STRIP2: variants seen among roughly 807,000 people sequenced by gnomAD.
STRIP2 encodes the protein striatin-interacting protein 2.
In STRIP2, 84 loss-of-function variants were observed where a neutral mutation model predicts 107.1. That is an observed-to-expected ratio of 0.78 (90% CI 0.66 to 0.94). The LOEUF is 0.94. STRIP2 is among the 40% of genes least tolerant of loss of function. The pLI is 0.00. For synonymous variants in STRIP2, 394 were observed against 400.4 expected (o/e 0.98, Z 0.19); for missense variants, 888 against 1,034.2 (o/e 0.86, Z 1.94).
intron 14 of STRIP2, 73 bp from the exon 15 acceptor site, chr7:129,463,971 T>C: frequency 8.6e-7 from 1 of 1,167,274 alleles, no homozygotes; most frequent in Non-Finnish European, 1.3e-6. Flanking sequence ...ATAGGGCGGT[T>C]AGGGTGTGGA....
Position 129,455,330 on chromosome 7 carries a change from C to A in STRIP2, c.793C>A (p.Pro265Thr). ...KFCSGLAPHF[P>T]IKKVLLLLWK... is the part of the protein sequence containing the mutation. ...CTGCAGTGGCCTGGCTCCTCACTTCCCCATAAAGAAGGTCCTGCTCCTGCT... is the reference window on the plus strand; with the variant it reads ...CTGCAGTGGCCTGGCTCCTCACTTCACCATAAAGAAGGTCCTGCTCCTGCT... Residue 265 changes from proline (P) to threonine (T), a missense_variant, in exon 8 of 21, where the codon CCC becomes ACC. Pro to Thr is a conservative substitution (Grantham distance 38). Coordinates refer to ENST00000249344, the MANE Select transcript of STRIP2 (RefSeq NM_020704.3). The A allele has an allele frequency of 1.9e-6, 3 of 1,613,892 alleles. No homozygotes were observed. Among genetic ancestry groups the A allele is most frequent in the Non-Finnish European group, 1.7e-6 (2 of 1,179,906 alleles).
chr7:129,482,403 A>C (rs1799148737), intron 19 of STRIP2, among the ~76,000 whole-genome samples: 1 of 110,592 alleles, frequency 9.0e-6, no homozygotes, highest in Non-Finnish European at 1.7e-5. Flanking sequence ...TTTGAGACGG[A>C]GTCTTGCTCT....
Position 129,464,728 on chromosome 7 carries a change from A to G in STRIP2, c.1766A>G (p.His589Arg), listed in dbSNP as rs750736858. Residue 589 changes from histidine (H) to arginine (R), a missense_variant, in exon 16 of 21, where the codon CAT (histidine) becomes CGT (arginine). By Grantham distance (29) the His-to-Arg change is conservative. Coordinates refer to ENST00000249344, the MANE Select transcript of STRIP2 (RefSeq NM_020704.3). ...CTCCTCAAACACTTCAAACTCAACC[A>G]TATCTACCAGGTGAGCAGCTAGGAG... ...LLLLKHFKLN[H>R]IYQFEYVSQH... The G allele has an allele frequency of 2.5e-6, 4 of 1,614,086 alleles. No homozygotes were observed. Among genetic ancestry groups the G allele is most frequent in the Non-Finnish European group, 3.4e-6 (4 of 1,179,990 alleles).
At chr7:129,442,950 A>G (rs1385143738) in intron 2 of STRIP2, among the ~76,000 whole-genome samples, 1 of 152,140 alleles carries the variant, frequency 6.6e-6, no homozygotes, top group Non-Finnish European at 1.5e-5. Flanking sequence ...TCAGTTCTTC[A>G]TCTTCTGTAA....
chr7:129,483,057 C>G lies in STRIP2; in HGVS notation c.2254+11C>G. Reference sequence around the variant, plus strand: ...GGGCTTACGGGAATGGTGAGTCTTCCCAAAGCTCTTGACTTCCTGGAGTTT... The same window carrying G: ...GGGCTTACGGGAATGGTGAGTCTTCGCAAAGCTCTTGACTTCCTGGAGTTT... On this transcript the variant is annotated intron_variant, in intron 20 of 20. Coordinates refer to ENST00000249344, the MANE Select transcript of STRIP2 (RefSeq NM_020704.3). This position sits in a 1 kb window ranked among gnomAD's most constrained non-coding sequence, Gnocchi z 5.1. 1.9e-6 allele frequency: 3 copies of G among 1,613,070 alleles called. No homozygotes were observed. The highest frequency in any genetic ancestry group is 2.5e-6 in the Non-Finnish European group (3 of 1,179,142).
chr7:129,455,282 C>A lies in STRIP2; in HGVS notation c.745C>A (p.Leu249Ile). Reference sequence around the variant, plus strand: ...TAATGAGGAGCCTTTTGCCCTTTTACTCTTCTCCATGGTTACCAAGTTCTG... The same window carrying A: ...TAATGAGGAGCCTTTTGCCCTTTTAATCTTCTCCATGGTTACCAAGTTCTG... The part of the protein sequence containing the change: ...MHNEEPFALL[L>I]FSMVTKFCSG... Residue 249 changes from leucine to isoleucine, a missense_variant, in exon 8 of 21, where the codon CTC (leucine) becomes ATC (isoleucine). Transcript: ENST00000249344. 1 of 1,613,992 alleles carries A rather than the reference C, an allele frequency of 6.2e-7. No homozygotes were observed. Among genetic ancestry groups the A allele is most frequent in the Non-Finnish European group, 8.5e-7 (1 of 1,179,944 alleles).
chr7:129,469,962 A>C (rs1360565468), intron 17 of STRIP2, among the ~76,000 whole-genome samples: 1 of 152,240 alleles, frequency 6.6e-6, no homozygotes, highest in Non-Finnish European at 1.5e-5. Flanking sequence ...AGAAGGGAGA[A>C]GAGGAAAGAG....
intron 16 of STRIP2, among the ~76,000 whole-genome samples, chr7:129,465,751 G>C (rs1283576123): frequency 6.6e-6 from 1 of 152,174 alleles, no homozygotes; most frequent in Non-Finnish European, 1.5e-5. Flanking sequence ...GCATTGCCAA[G>C]ATATAGGGAC....
chr7:129,437,820 T>G (rs945083129), intron 1 of STRIP2, among the ~76,000 whole-genome samples: 5 of 150,714 alleles, frequency 3.3e-5, no homozygotes, highest in African/African-American at 1.2e-4. Context: ...TGTTTTTTTT[T>G]TTTTTGACAG....
chr7:129,441,850 A>G (rs1039774961), intron 2 of STRIP2, among the ~76,000 whole-genome samples: 1 of 152,220 alleles, frequency 6.6e-6, no homozygotes, highest in African/African-American at 2.4e-5. Flanking sequence ...TCCTGGGCTC[A>G]AGTGATCCTC....
Position 129,483,418 on chromosome 7 carries a change from ATTATAT to A in STRIP2, c.2254+377_2254+382del, listed in dbSNP as rs772400314. 3.7e-5 allele frequency: 27 copies of A among 726,746 alleles called. No homozygotes were observed. The highest frequency in any genetic ancestry group is 4.7e-5 in the Non-Finnish European group (27 of 579,294). 45.0% of individuals were successfully genotyped at this position (726,746 alleles called of 1,614,324 possible). A position where few individuals can be genotyped will look rare whatever the true frequency, so the allele number is the denominator to read the frequency against. ...TACAAGTAAACAAACATTTTACTAT[ATTATAT>A]TTATGCCATATTTGTACTATGCAGA... On this transcript the variant is annotated intron_variant, in intron 20 of 20. Transcript: ENST00000249344. This position sits in a 1 kb window ranked among gnomAD's most constrained non-coding sequence, Gnocchi z 5.1.
chr7:129,456,746 C>T (rs1798368626), intron 9 of STRIP2, 104 bp downstream of exon 9: 10 of 1,133,006 alleles, frequency 8.8e-6, no homozygotes, highest in Non-Finnish European at 1.2e-5. Context: ...TGACCCGGCT[C>T]ATCCTGCCCA....
At chr7:129,447,922 CT>C (rs1798081946) in intron 3 of STRIP2, among the ~76,000 whole-genome samples, 1 of 152,174 alleles carries the variant, frequency 6.6e-6, no homozygotes, top group Non-Finnish European at 1.5e-5. Context: ...ATCACCACTC[CT>C]TTGTCTTTCA....
intron 20 of STRIP2, among the ~76,000 whole-genome samples, chr7:129,484,229 A>G (rs1424452319): frequency 1.3e-5 from 2 of 152,232 alleles, no homozygotes; most frequent in African/African-American, 4.8e-5. Context: ...GATGAATTCA[A>G]TTTAAACCTT....
chr7:129,456,978 C>T (rs958456554), intron 9 of STRIP2, among the ~76,000 whole-genome samples: 8 of 152,098 alleles, frequency 5.3e-5, no homozygotes, highest in Admixed American at 1.3e-4. Context: ...CCCAGGATAC[C>T]GGAACAGGTC....
At chr7:129,466,286 C>T (rs933228845) in intron 16 of STRIP2, among the ~76,000 whole-genome samples, 2 of 151,954 alleles carry the variant, frequency 1.3e-5, no homozygotes, top group Non-Finnish European at 2.9e-5. Context: ...TGTGTTGGCT[C>T]TTTTGTCTGG....
intron 18 of STRIP2, among the ~76,000 whole-genome samples, chr7:129,474,543 A>G (rs1798869277): frequency 6.6e-6 from 1 of 151,170 alleles, no homozygotes; most frequent in Non-Finnish European, 1.5e-5. Context: ...TTTTTTTGAG[A>G]CAGTCGCCCA....
At position 129,482,373 on chromosome 7, in the gene STRIP2, A is replaced by ATTT. The variant is rs1183916410; in HGVS notation, c.2050-468_2050-467insTTT. Among the ~76,000 whole-genome samples, 76 of 84,590 alleles carry ATTT rather than the reference A, an allele frequency of 9.0e-4. 1 individual carries two copies. The highest frequency in any genetic ancestry group is 2.3e-3 in the African/African-American group (64 of 28,182). The allele number at this position is 84,590 out of a possible 152,430, so 55.5% of individuals were successfully genotyped here. ...TCTCTCTCTATATATATATATATAT[A>ATTT]TATATTTTTTTTTTTTTTTTTTGAG... On this transcript the variant is annotated intron_variant, in intron 19 of 20. Transcript: ENST00000249344.
chr7:129,486,761 T>G lies in STRIP2; in HGVS notation c.*932T>G, dbSNP rs1168277494. ...AAGTAAAAGCATCACAGCTTACCAT[T>G]TTTCTTTTTCTGCAGTGTTGATTAA... On this transcript the variant is annotated 3_prime_UTR_variant, in exon 21 of 21. Transcript: ENST00000249344. The G allele has an allele frequency of 6.6e-6, 1 of 152,182 alleles. No individual in the cohort carries two copies. Among genetic ancestry groups the G allele is most frequent in the Non-Finnish European group, 1.5e-5 (1 of 68,036 alleles). 9.4% of individuals were successfully genotyped at this position (152,182 alleles called of 1,614,324 possible).
Sources: allele counts gnomAD v4.1 joint callset (sites outside exome capture counted in the v4.1 genomes callset), GRCh38; gene constraint gnomAD v4.1.1; non-coding constraint Gnocchi (gnomAD v3.1); transcripts MANE v1.5; gene names NCBI Gene and HGNC (gene_info 2026-07-23, HGNC 2026-07-21).